The following PREX1 variants were observed in gnomAD, a reference collection of about 807,000 sequenced individuals.
PREX1 encodes the protein phosphatidylinositol 3,4,5-trisphosphate-dependent Rac exchanger 1 protein.
A neutral mutation model predicts 198.3 loss-of-function variants in PREX1; 41 were observed. The observed-to-expected ratio is 0.21, with a 90% CI of 0.16 to 0.27. The LOEUF is 0.27. Ranked by LOEUF, PREX1 falls within the 10% of genes least tolerant of loss-of-function variation. The pLI, the probability that PREX1 is intolerant of heterozygous loss-of-function variation, is 1.00. For missense variants in PREX1, 1,620 were observed against 2,200.7 expected, an observed-to-expected ratio of 0.74 and a Z score of 5.28; for synonymous variants, 843 against 887.2, an observed-to-expected ratio of 0.95 and a Z score of 0.89.
chr20:48,860,831 C>A, the PREX1 span, among the ~76,000 whole-genome samples: 3 of 138,480 alleles, frequency 2.2e-5, no homozygotes. Flanking sequence ...GAGACTCTGC[C>A]TCAAAAAAAA....
chr20:48,727,003 T>G (rs1174909606), intron 4 of PREX1, among the ~76,000 whole-genome samples: 1 of 152,186 alleles, frequency 6.6e-6, no homozygotes, highest in Non-Finnish European at 1.5e-5. Context: ...AAGAAGGATA[T>G]GTACAGTATG....
chr20:48,641,844 A>G (rs1185500294), intron 29 of PREX1, among the ~76,000 whole-genome samples: 70 of 7,810 alleles, frequency 9.0e-3, no homozygotes, highest in African/African-American at 0.025. Context: ...GAGAGAGAGG[A>G]AGGAAGGAAG....
At chr20:48,634,885 T>C in intron 32 of PREX1, 110 bp from the exon 33 acceptor site, 2 of 880,840 alleles carry the variant, frequency 2.3e-6, no homozygotes, top group South Asian at 2.9e-5. Context: ...GTGGGCCCCC[T>C]GGGTGCCAGG....
chr20:48,658,113 G>A, intron 17 of PREX1, 23 bp downstream of exon 17: 1 of 1,607,058 alleles, frequency 6.2e-7, no homozygotes. Flanking sequence ...CACGGTCCCT[G>A]CCAGCTCCCC....
chr20:48,705,204 C>A (rs1207947413), intron 6 of PREX1, among the ~76,000 whole-genome samples: 2 of 152,210 alleles, frequency 1.3e-5, no homozygotes, highest in Admixed American at 6.5e-5. Flanking sequence ...GGAATCTCTC[C>A]CCACGGAGGG....
intron 5 of PREX1, among the ~76,000 whole-genome samples, chr20:48,714,341 T>C (rs1439351034): frequency 1.3e-5 from 2 of 152,114 alleles, no homozygotes; most frequent in African/African-American, 4.8e-5. Flanking sequence ...ATCTGCCTAA[T>C]GAGGAAAATA....
chr20:48,697,892 C>A (rs2089855188), intron 7 of PREX1, among the ~76,000 whole-genome samples: 1 of 152,206 alleles, frequency 6.6e-6, no homozygotes, highest in Admixed American at 6.5e-5. Context: ...GAGTCAGAGA[C>A]CTCCCCTGAC....
chr20:48,678,823 CCA>C (rs146177806), intron 13 of PREX1, among the ~76,000 whole-genome samples: 2,387 of 152,286 alleles, frequency 0.016, 35 homozygotes, highest in Non-Finnish European at 0.023. Context: ...TATAAATTAC[CCA>C]GTCTTGGCTA....
Position 48,769,680 on chromosome 20 carries a change from C to T in PREX1, c.220-21800G>A, listed in dbSNP as rs369242120. ...CACTGGCTGTCCCCTCTGCCTGGAA[C>T]GCCTGTCACCACGTAACCACATGAC... On this transcript the variant is annotated intron_variant, in intron 1 of 39. Transcript: ENST00000371941. Among the ~76,000 whole-genome samples the T allele has an allele frequency of 9.2e-5, 14 of 152,298 alleles. No individual in the cohort carries two copies. In the East Asian group the frequency reaches 1.7e-3, roughly 19 times the overall value.
intron 1 of PREX1, among the ~76,000 whole-genome samples, chr20:48,800,435 T>G (rs915076621): frequency 1.3e-5 from 2 of 152,052 alleles, no homozygotes; most frequent in Non-Finnish European, 2.9e-5. Flanking sequence ...GACTTATCAG[T>G]GAGAATAAAG....
the PREX1 span, among the ~76,000 whole-genome samples, chr20:48,873,028 TATTTC>T: frequency 0.013 from 2,046 of 152,344 alleles, 45 homozygotes; most frequent in African/African-American, 0.047. Context: ...AACTCTCATT[TATTTC>T]TTGCTCATGG....
At chr20:48,856,328 T>C in the PREX1 span, among the ~76,000 whole-genome samples, 22 of 151,986 alleles carry the variant, frequency 1.4e-4, no homozygotes, top group Admixed American at 5.2e-4. Flanking sequence ...CCAGTAGGAG[T>C]GTTATTAATG....
chr20:48,870,974 A>C, the PREX1 span, among the ~76,000 whole-genome samples: 7 of 37,550 alleles, frequency 1.9e-4, no homozygotes, highest in East Asian at 3.9e-3. Context: ...AAAAAAAAAA[A>C]AAAACCATAT....
chr20:48,672,670 G>T (rs575569165), intron 14 of PREX1, among the ~76,000 whole-genome samples: 2 of 152,320 alleles, frequency 1.3e-5, no homozygotes, highest in South Asian at 4.1e-4. Flanking sequence ...CTCTGCCTAA[G>T]AGCCTCTGAG....
intron 5 of PREX1, among the ~76,000 whole-genome samples, chr20:48,709,739 T>C (rs533007969): frequency 4.9e-4 from 75 of 152,152 alleles, no homozygotes; most frequent in Non-Finnish European, 9.0e-4. Context: ...AGTACATATA[T>C]AGTAAGCACT....
At chr20:48,850,054 G>A in the PREX1 span, among the ~76,000 whole-genome samples, 119 of 152,274 alleles carry the variant, frequency 7.8e-4, no homozygotes, top group African/African-American at 2.6e-3. Context: ...TAACCTCCAA[G>A]GGTTGTTATG....
At chr20:48,826,914 C>A (rs2090511691) in intron 1 of PREX1, among the ~76,000 whole-genome samples, 1 of 152,180 alleles carries the variant, frequency 6.6e-6, no homozygotes, top group South Asian at 2.1e-4. Flanking sequence ...ACTTCATAGA[C>A]CGCCTGTGAA....
At position 48,653,372 on chromosome 20, in the gene PREX1, C is replaced by T. The variant is rs749750409; in HGVS notation, c.2335G>A (p.Glu779Lys). The T allele has an allele frequency of 2.2e-5, 36 of 1,613,348 alleles. No individual in the cohort carries two copies. The Middle Eastern group carries it at 1.5e-3, about 67-fold the overall frequency. Residue 779 changes from glutamate (E) to lysine (K), a missense_variant, in exon 20 of 40, where the codon GAA (glutamate) becomes AAA (lysine). Physicochemically the swap from Glu to Lys is moderately conservative, Grantham distance 56. Around this residue, in one of 7 missense-constraint regions of PREX1, gnomAD observed 514 missense variants for 611.6 expected, o/e 0.84. Transcript: ENST00000371941. ...TCCAGTAAACTTACCAGGGCCTCTT[C>T]GCGCCGACTCCGGAATGCCTGGAAG... ...EHFQAFRSRR[E>K]EALGLYQWIY...
At chr20:48,758,151 A>G (rs2090163070) in intron 1 of PREX1, among the ~76,000 whole-genome samples, 1 of 152,178 alleles carries the variant, frequency 6.6e-6, no homozygotes, top group Non-Finnish European at 1.5e-5. Context: ...CAGCCCACGA[A>G]GGGTATGAGA....
Sources: allele counts gnomAD v4.1 joint callset (sites outside exome capture counted in the v4.1 genomes callset), GRCh38; gene constraint gnomAD v4.1.1; regional missense constraint gnomAD v4.1.1; transcripts MANE v1.5; gene names NCBI Gene and HGNC (gene_info 2026-07-23, HGNC 2026-07-21).